The following KCNH8 variants were observed in gnomAD, a reference collection of about 807,000 sequenced individuals.
KCNH8 encodes potassium voltage-gated channel subfamily H member 8.
In KCNH8, 70 loss-of-function variants were observed where a neutral mutation model predicts 103.6. The observed-to-expected ratio is 0.68, with a 90% CI of 0.56 to 0.82. The LOEUF (loss-of-function observed/expected upper bound fraction) is 0.82. Ranked by LOEUF, KCNH8 falls within the 40% of genes least tolerant of loss-of-function variation. KCNH8 has a pLI of 0.00. For missense variants in KCNH8, 1,217 were observed against 1,329.9 expected, an observed-to-expected ratio of 0.92 and a Z score of 1.32; for synonymous variants, 498 against 489.4, an observed-to-expected ratio of 1.02 and a Z score of -0.23.
intron 5 of KCNH8, among the ~76,000 whole-genome samples, chr3:19,355,528 A>T (rs2065869014): frequency 1.9e-4 from 29 of 152,228 alleles, no homozygotes. Flanking sequence ...TGTGGCACAT[A>T]TACAACATGG....
intron 5 of KCNH8, among the ~76,000 whole-genome samples, chr3:19,388,174 A>G (rs1464578117): frequency 6.6e-6 from 1 of 152,140 alleles, no homozygotes; most frequent in African/African-American, 2.4e-5. Flanking sequence ...AATTTTATAA[A>G]GAACTTATGG....
In KCNH8 at chr3:19,346,245, C is replaced by T. The variant is rs186040685; in HGVS notation, c.571-1480C>T. Among the ~76,000 whole-genome samples the T allele has an allele frequency of 4.7e-4, 71 of 152,024 alleles. 1 individual carries two copies. Among genetic ancestry groups the T allele is most frequent in the Admixed American group, 1.4e-3 (22 of 15,232 alleles). ...AATTCCCTCTTCCAATGTAACAGCC[C>T]GAATTTTTATGAGAAGCCCAACGGG... On this transcript the variant is annotated intron_variant, in intron 4 of 15. Coordinates refer to ENST00000328405, the MANE Select transcript of KCNH8 (RefSeq NM_144633.3).
At chr3:19,340,520 T>C (rs1024766280) in intron 3 of KCNH8, among the ~76,000 whole-genome samples, 2 of 152,094 alleles carry the variant, frequency 1.3e-5, no homozygotes, top group African/African-American at 4.8e-5. Flanking sequence ...GCTGACCATT[T>C]GATCAAATAA....
intron 1 of KCNH8, among the ~76,000 whole-genome samples, chr3:19,182,322 A>T (rs2063461270): frequency 6.6e-6 from 1 of 151,964 alleles, no homozygotes; most frequent in Non-Finnish European, 1.5e-5. Context: ...AGGTCAGGAG[A>T]TTGAGACCAT....
intron 5 of KCNH8, among the ~76,000 whole-genome samples, chr3:19,382,635 T>C (rs957377564): frequency 6.6e-6 from 1 of 152,114 alleles, no homozygotes; most frequent in African/African-American, 2.4e-5. Context: ...GTTCGTCAGT[T>C]TTGAAGCCTA....
intron 11 of KCNH8, among the ~76,000 whole-genome samples, chr3:19,465,321 T>C (rs1288824803): frequency 1.3e-5 from 2 of 152,178 alleles, no homozygotes; most frequent in Non-Finnish European, 2.9e-5. Flanking sequence ...ACTCTATAAA[T>C]GGAACAACAA....
intron 1 of KCNH8, among the ~76,000 whole-genome samples, chr3:19,236,166 A>G (rs868189096): frequency 6.6e-6 from 1 of 152,218 alleles, no homozygotes; most frequent in Non-Finnish European, 1.5e-5. Flanking sequence ...ACCAATAAGC[A>G]GTGCAGAATA....
intron 1 of KCNH8, among the ~76,000 whole-genome samples, chr3:19,221,565 GT>G (rs898583180): frequency 1.9e-4 from 29 of 149,496 alleles, no homozygotes; most frequent in African/African-American, 3.9e-4. Context: ...TAATTTATTT[GT>G]TTTTTTTTCT....
chr3:19,526,126 G>A (rs1009820944), intron 15 of KCNH8, among the ~76,000 whole-genome samples: 2 of 151,920 alleles, frequency 1.3e-5, no homozygotes, highest in African/African-American at 4.8e-5. Context: ...ATATGTATTA[G>A]TAGTGGGGCA....
chr3:19,150,586 T>C (rs993047332), intron 1 of KCNH8, among the ~76,000 whole-genome samples: 1 of 152,168 alleles, frequency 6.6e-6, no homozygotes, highest in Non-Finnish European at 1.5e-5. Context: ...CGTGGAAATA[T>C]CTTGGCCTCT....
At chr3:19,178,710 C>G (rs780762645) in intron 1 of KCNH8, among the ~76,000 whole-genome samples, 7 of 152,114 alleles carry the variant, frequency 4.6e-5, no homozygotes, top group African/African-American at 4.8e-5. Context: ...AGGCAAATTT[C>G]AGGAAGGCTG....
chr3:19,195,339 G>T (rs972627042), intron 1 of KCNH8, among the ~76,000 whole-genome samples: 1 of 151,854 alleles, frequency 6.6e-6, no homozygotes, highest in African/African-American at 2.4e-5. Context: ...TGACTTTTTA[G>T]AAGGGATCAC....
intron 3 of KCNH8, among the ~76,000 whole-genome samples, chr3:19,320,484 G>C (rs759384688): frequency 6.6e-6 from 1 of 151,630 alleles, no homozygotes; most frequent in Non-Finnish European, 1.5e-5. Flanking sequence ...TATCCTTAAT[G>C]TATACATACC....
chr3:19,152,207 T>G (rs1161127604), intron 1 of KCNH8, among the ~76,000 whole-genome samples: 1 of 152,150 alleles, frequency 6.6e-6, no homozygotes, highest in East Asian at 1.9e-4. Context: ...ACTTTTGCTT[T>G]AAGTAACTAT....
intron 15 of KCNH8, among the ~76,000 whole-genome samples, chr3:19,519,171 T>A (rs1483204606): frequency 6.6e-6 from 1 of 151,890 alleles, no homozygotes; most frequent in African/African-American, 2.4e-5. Context: ...CAGGCGAGAA[T>A]ATGCAGCAAA....
intron 11 of KCNH8, among the ~76,000 whole-genome samples, chr3:19,507,507 C>A (rs1435784991): frequency 6.6e-6 from 1 of 152,082 alleles, no homozygotes; most frequent in Non-Finnish European, 1.5e-5. Context: ...GCCCTTTGTT[C>A]CATCCCCAGC....
At chr3:19,475,158 G>A (rs750795321) in intron 11 of KCNH8, among the ~76,000 whole-genome samples, 4 of 152,108 alleles carry the variant, frequency 2.6e-5, no homozygotes, top group Non-Finnish European at 5.9e-5. Context: ...ATTCATTGAG[G>A]CATCATCCTT....
chr3:19,503,136 TCAAAAGAAGACA>T (rs1182150344), intron 11 of KCNH8, among the ~76,000 whole-genome samples: 47 of 151,192 alleles, frequency 3.1e-4, no homozygotes, highest in African/African-American at 1.0e-3. Context: ...CAGACACTTC[TCAAAAGAAGACA>T]TTTATGCAGC....
At chr3:19,297,974 G>A (rs2065016728) in intron 3 of KCNH8, among the ~76,000 whole-genome samples, 1 of 152,174 alleles carries the variant, frequency 6.6e-6, no homozygotes. Context: ...AGTGTGGCGT[G>A]TCTTTTGCTG....
Sources: allele counts gnomAD v4.1 joint callset (sites outside exome capture counted in the v4.1 genomes callset), GRCh38; gene constraint gnomAD v4.1.1; transcripts MANE v1.5; gene names NCBI Gene and HGNC (gene_info 2026-07-23, HGNC 2026-07-21).